Variants in SLC16A12 observed in about 807,000 individuals in gnomAD.
The protein encoded by SLC16A12 is monocarboxylate transporter 12.
Under a neutral mutation model 42.4 loss-of-function variants are expected in SLC16A12, and 17 were observed. The observed-to-expected ratio is 0.40, with a 90% CI of 0.27 to 0.60. The LOEUF (loss-of-function observed/expected upper bound fraction) is 0.60. Among genes scored for constraint, SLC16A12 ranks in the 20% least tolerant of loss-of-function variants. SLC16A12 has a pLI of 0.42. For synonymous variants in SLC16A12, 224 were observed against 229.4 expected (o/e 0.98, Z 0.21); for missense variants, 544 against 623.0 (o/e 0.87, Z 1.35).
intron 2 of SLC16A12, among the ~76,000 whole-genome samples, chr10:89,496,253 G>A (rs1261468122): frequency 6.6e-6 from 1 of 151,836 alleles, no homozygotes; most frequent in Non-Finnish European, 1.5e-5. Flanking sequence ...CTTCAGAGAG[G>A]TCAAGAAAAC....
At chr10:89,447,701 GA>G (rs1428934084) in intron 3 of SLC16A12, among the ~76,000 whole-genome samples, 4 of 152,156 alleles carry the variant, frequency 2.6e-5, no homozygotes, top group African/African-American at 9.7e-5. Context: ...AAAAGAACTA[GA>G]GAAGCAAGAG....
At chr10:89,474,347 C>T (rs756532251) in intron 2 of SLC16A12, among the ~76,000 whole-genome samples, 4 of 152,308 alleles carry the variant, frequency 2.6e-5, no homozygotes, top group East Asian at 3.9e-4. Flanking sequence ...TGCACACACA[C>T]GCACCCAAAC....
intron 2 of SLC16A12, among the ~76,000 whole-genome samples, chr10:89,474,373 G>C (rs1011102558): frequency 2.0e-5 from 3 of 152,118 alleles, no homozygotes; most frequent in Non-Finnish European, 4.4e-5. Flanking sequence ...GCCTGGTTCA[G>C]AATAAGAGCT....
At chr10:89,486,152 C>A (rs1842738099) in intron 2 of SLC16A12, among the ~76,000 whole-genome samples, 1 of 152,092 alleles carries the variant, frequency 6.6e-6, no homozygotes, top group Non-Finnish European at 1.5e-5. Flanking sequence ...CTATTCTATA[C>A]TCTGGGGAAG....
chr10:89,548,740 C>T (rs7908148), intron 2 of SLC16A12, among the ~76,000 whole-genome samples: 48,200 of 151,898 alleles, frequency 0.32, 9,067 homozygotes, highest in African/African-American at 0.53. Context: ...CGCTTGAATC[C>T]GGGAGGCAGA....
chr10:89,491,178 G>A (rs1025024498), intron 2 of SLC16A12, among the ~76,000 whole-genome samples: 1 of 152,182 alleles, frequency 6.6e-6, no homozygotes, highest in Non-Finnish European at 1.5e-5. Flanking sequence ...AGAGCTTTCT[G>A]GGGAAAGAGC....
intron 5 of SLC16A12, among the ~76,000 whole-genome samples, 155 bp downstream of exon 5, chr10:89,440,953 C>T (rs892535045): frequency 1.3e-5 from 2 of 152,184 alleles, no homozygotes; most frequent in Non-Finnish European, 2.9e-5. Flanking sequence ...AATCTCATTT[C>T]CAGCTCTGTT....
chr10:89,449,247 GA>G (rs1243231157), intron 3 of SLC16A12, among the ~76,000 whole-genome samples: 2 of 152,092 alleles, frequency 1.3e-5, no homozygotes, highest in African/African-American at 2.4e-5. Flanking sequence ...CACAGAATTG[GA>G]AAAAACTACT....
chr10:89,481,660 T>A (rs528108442), intron 2 of SLC16A12, among the ~76,000 whole-genome samples: 6,116 of 141,128 alleles, frequency 0.043, 409 homozygotes, highest in African/African-American at 0.15. Flanking sequence ...TGTGTGTGTG[T>A]GTGTGAGAGA....
intron 2 of SLC16A12, among the ~76,000 whole-genome samples, chr10:89,489,637 A>T (rs1377697902): frequency 2.0e-5 from 3 of 152,186 alleles, no homozygotes; most frequent in Non-Finnish European, 4.4e-5. Flanking sequence ...CCACCGTGCC[A>T]GTCCTTAAAG....
chr10:89,493,702 G>C (rs1473675917), intron 2 of SLC16A12, among the ~76,000 whole-genome samples: 1 of 152,130 alleles, frequency 6.6e-6, no homozygotes, highest in Non-Finnish European at 1.5e-5. Flanking sequence ...TCCTCGGATT[G>C]GCTCCCCTTT....
intron 2 of SLC16A12, among the ~76,000 whole-genome samples, chr10:89,517,361 C>T (rs1843270752): frequency 6.6e-6 from 1 of 152,028 alleles, no homozygotes; most frequent in African/African-American, 2.4e-5. Flanking sequence ...GACACCCAGG[C>T]TGGAATGCAG....
chr10:89,474,839 A>T (rs911988361), intron 2 of SLC16A12, among the ~76,000 whole-genome samples: 1 of 152,194 alleles, frequency 6.6e-6, no homozygotes, highest in South Asian at 2.1e-4. Flanking sequence ...TAGGTATTAT[A>T]ATCTCCATTT....
chr10:89,526,104 C>A (rs768747401), intron 2 of SLC16A12, among the ~76,000 whole-genome samples: 2 of 152,090 alleles, frequency 1.3e-5, no homozygotes, highest in Non-Finnish European at 2.9e-5. Flanking sequence ...GGTTTCCAAG[C>A]CCTGTCCTCT....
intron 2 of SLC16A12, among the ~76,000 whole-genome samples, chr10:89,543,764 G>A (rs72816765): frequency 0.013 from 1,910 of 152,248 alleles, 17 homozygotes; most frequent in Non-Finnish European, 0.02. Context: ...GAGCCCAGAA[G>A]GTCAAGGCTG....
chr10:89,514,758 C>G (rs1289123992), intron 2 of SLC16A12, among the ~76,000 whole-genome samples: 1 of 152,190 alleles, frequency 6.6e-6, no homozygotes, highest in East Asian at 1.9e-4. Flanking sequence ...ACCCATCAAT[C>G]CACAATAGTG....
At chr10:89,510,774 T>C (rs1426234254) in intron 2 of SLC16A12, among the ~76,000 whole-genome samples, 2 of 152,100 alleles carry the variant, frequency 1.3e-5, no homozygotes, top group South Asian at 2.1e-4. Context: ...CAAAAGAAAC[T>C]ATCAGCAGAG....
At chr10:89,524,896 T>G (rs1227591153) in intron 2 of SLC16A12, among the ~76,000 whole-genome samples, 1 of 152,234 alleles carries the variant, frequency 6.6e-6, no homozygotes, top group African/African-American at 2.4e-5. Flanking sequence ...CAAATGTCCC[T>G]TCTACAGATT....
At chr10:89,508,960 T>C (rs1213439686) in intron 2 of SLC16A12, among the ~76,000 whole-genome samples, 1 of 152,142 alleles carries the variant, frequency 6.6e-6, no homozygotes, top group Non-Finnish European at 1.5e-5. Flanking sequence ...GAGAATACTA[T>C]GAACACCTCT....
Sources: gnomAD v4.1 joint callset for allele counts (sites outside exome capture counted in the v4.1 genomes callset) on GRCh38, gnomAD v4.1.1 for gene constraint, MANE v1.5 for transcripts, NCBI Gene and HGNC (gene_info 2026-07-23, HGNC 2026-07-21) for gene names.